The following SVOP variants were observed in gnomAD, a reference collection of about 807,000 sequenced individuals.
SVOP encodes the protein synaptic vesicle 2-related protein.
Under a neutral mutation model 69.1 loss-of-function variants are expected in SVOP, and 17 were observed. The observed-to-expected ratio is 0.25, with a 90% CI of 0.17 to 0.37. SVOP has a LOEUF of 0.37. Ranked by LOEUF, SVOP falls within the 10% of genes least tolerant of loss-of-function variation. The pLI is 1.00. For missense variants in SVOP, 435 were observed against 597.5 expected (o/e 0.73, Z 2.84); for synonymous variants, 238 against 238.6 (o/e 1.00, Z 0.02).
In SVOP at chr12:108,909,647, A is replaced by G. The variant is rs1355104168; in HGVS notation, c.*2888T>C. On this transcript the variant is annotated 3_prime_UTR_variant, in exon 16 of 16. Coordinates refer to ENST00000610966, the MANE Select transcript of SVOP (RefSeq NM_018711.5). ...GATACTGTTTCATCCCATTGTGAACACCACCAAGGTCAGTTATATGTTTTT... is the reference window on the plus strand; with the variant it reads ...GATACTGTTTCATCCCATTGTGAACGCCACCAAGGTCAGTTATATGTTTTT... 6.6e-6 allele frequency: 1 copy of G among 152,220 alleles called. No individual in the cohort carries two copies. The highest frequency in any genetic ancestry group is 1.5e-5 in the Non-Finnish European group (1 of 68,042). The allele number at this position is 152,220 out of a possible 1,614,324, so 9.4% of individuals were successfully genotyped here.
intron 6 of SVOP, among the ~76,000 whole-genome samples, chr12:108,951,520 A>G (rs1194155666): frequency 6.6e-6 from 1 of 152,220 alleles, no homozygotes; most frequent in East Asian, 1.9e-4. Context: ...CTTGAATTAA[A>G]GTCTATTCCT....
At chr12:108,978,126 G>C (rs1344801383) in intron 3 of SVOP, among the ~76,000 whole-genome samples, 3 of 152,164 alleles carry the variant, frequency 2.0e-5, no homozygotes, top group African/African-American at 7.2e-5. Context: ...AAAATATGTA[G>C]TTAGATCACC....
intron 1 of SVOP, among the ~76,000 whole-genome samples, chr12:109,010,779 G>T (rs962683783): frequency 6.6e-6 from 1 of 152,166 alleles, no homozygotes; most frequent in African/African-American, 2.4e-5. Flanking sequence ...TGGGATTATA[G>T]ACAACGGCCA....
rs148833243 is a variant in SVOP, at chr12:108,934,152, G to C, written c.1048+43C>G. On this transcript the variant is annotated intron_variant, in intron 11 of 15. Coordinates refer to ENST00000610966, the MANE Select transcript of SVOP (RefSeq NM_018711.5). ...TGTGCATGACTGTGTATGTGCCGAG[G>C]GTGTGGGAGTAGTTAGCTGGCAAAG... 1.3e-5 allele frequency: 20 copies of C among 1,531,478 alleles called. No individual in the cohort carries two copies. In the African/African-American group the frequency reaches 2.5e-4, roughly 19 times the overall value. The allele number at this position is 1,531,478 out of a possible 1,614,324, so 94.9% of individuals were successfully genotyped here.
chr12:108,909,399 C>T lies in SVOP; in HGVS notation c.*3136G>A, dbSNP rs2039666457. 6.6e-6 allele frequency: 1 copy of T among 151,628 alleles called. No homozygotes were observed. Among genetic ancestry groups the T allele is most frequent in the African/African-American group, 2.4e-5 (1 of 41,150 alleles). 9.4% of individuals were successfully genotyped at this position (151,628 alleles called of 1,614,324 possible). A position where few individuals can be genotyped will look rare whatever the true frequency, so the allele number is the denominator to read the frequency against. On this transcript the variant is annotated 3_prime_UTR_variant, in exon 16 of 16. Transcript: ENST00000610966. ...AGCATCAAGGCGGGCACCTGTAATC[C>T]CAGCTACTCAGGAGGCTGAGGAGGG...
rs555394838 is a variant in SVOP, at chr12:108,993,370, T to C, written c.36-9609A>G. On this transcript the variant is annotated intron_variant, in intron 1 of 15. Transcript: ENST00000610966. ...ATGGTAAAGTCTACGTTATGTGTAT[T>C]TTGCCTTCAAAAAAAAAAAAAAAGA... Among the ~76,000 whole-genome samples the C allele has an allele frequency of 4.6e-5, 4 of 86,674 alleles. No homozygotes were observed. The East Asian group carries it at 1.4e-3, about 31-fold the overall frequency. The allele number at this position is 86,674 out of a possible 152,430, so 56.9% of individuals were successfully genotyped here.
intron 1 of SVOP, among the ~76,000 whole-genome samples, chr12:108,996,539 A>G (rs2040233320): frequency 1.3e-5 from 2 of 152,124 alleles, no homozygotes; most frequent in Non-Finnish European, 1.5e-5. Flanking sequence ...TGGGCAACAG[A>G]GCAAGACTCC....
chr12:108,969,239 T>TC (rs1411865394), intron 5 of SVOP, among the ~76,000 whole-genome samples: 23 of 151,602 alleles, frequency 1.5e-4, no homozygotes, highest in African/African-American at 4.8e-4. Flanking sequence ...CTTCCTTCCC[T>TC]CCTCCTTCCC....
intron 1 of SVOP, among the ~76,000 whole-genome samples, chr12:109,017,781 T>A (rs1441341417): frequency 6.6e-6 from 1 of 152,104 alleles, no homozygotes; most frequent in Non-Finnish European, 1.5e-5. Context: ...TGACCTCAAA[T>A]GATCCACCCA....
intron 11 of SVOP, among the ~76,000 whole-genome samples, chr12:108,928,198 G>T (rs760326882): frequency 6.6e-6 from 1 of 151,900 alleles, no homozygotes; most frequent in Non-Finnish European, 1.5e-5. Flanking sequence ...GCCACCATGC[G>T]CAGCCAACCC....
rs772798020 is a variant in SVOP, at chr12:108,910,696, A to G, written c.*1839T>C. ...CCCATCATGACCTGCACACCATTAG[A>G]AGAAAGTGTTGTCTCCAACAAGCTC... On this transcript the variant is annotated 3_prime_UTR_variant, in exon 16 of 16. Transcript: ENST00000610966. 6.6e-6 allele frequency: 1 copy of G among 152,206 alleles called. No homozygotes were observed. Among genetic ancestry groups the G allele is most frequent in the Non-Finnish European group, 1.5e-5 (1 of 68,050 alleles). The allele number at this position is 152,206 out of a possible 1,614,324, so 9.4% of individuals were successfully genotyped here.
chr12:108,995,003 G>A (rs916161367), intron 1 of SVOP, among the ~76,000 whole-genome samples: 1 of 151,862 alleles, frequency 6.6e-6, no homozygotes, highest in African/African-American at 2.4e-5. Context: ...AAATTAGCTG[G>A]GCATGGTGGT....
intron 1 of SVOP, among the ~76,000 whole-genome samples, chr12:109,010,238 A>C (rs1018465446): frequency 6.6e-6 from 1 of 152,152 alleles, no homozygotes; most frequent in Non-Finnish European, 1.5e-5. Context: ...AGAGCTGAGA[A>C]TCAGTCTTGT....
At position 108,912,737 on chromosome 12, in the gene SVOP, A is replaced by G; in HGVS notation, c.1445T>C (p.Met482Thr). Residue 482 changes from methionine to threonine, a missense_variant, in exon 16 of 16, where the codon ATG becomes ACG. Coordinates refer to ENST00000610966, the MANE Select transcript of SVOP (RefSeq NM_018711.5). ...ALITPFIAQVMLESSVYLTLA... is the reference protein window; with the variant it reads ...ALITPFIAQVTLESSVYLTLA... ...AGTCAGGTACACAGAGGATTCCAGC[A>G]TCACCTAGGGGAAGGAGACACGGGT... 2 of 1,613,646 alleles carry G rather than the reference A, an allele frequency of 1.2e-6. No individual in the cohort carries two copies. The highest frequency in any genetic ancestry group is 1.7e-6 in the Non-Finnish European group (2 of 1,179,738).
At position 108,961,825 on chromosome 12, in the gene SVOP, G is replaced by A. The variant is rs185079092; in HGVS notation, c.454-778C>T. ...AAATAAATTTTATTTTATTAATGACGTTTTAAATTTCTCCCTCCTAGTTAG... is the reference window on the plus strand; with the variant it reads ...AAATAAATTTTATTTTATTAATGACATTTTAAATTTCTCCCTCCTAGTTAG... On this transcript the variant is annotated intron_variant, in intron 5 of 15. Transcript: ENST00000610966. 7.9e-4 allele frequency among the ~76,000 whole-genome samples: 120 copies of A among 152,186 alleles called. 1 individual carries two copies. Among genetic ancestry groups the A allele is most frequent in the African/African-American group, 2.7e-3 (113 of 41,526 alleles).
At chr12:108,975,843 A>G (rs143935591) in intron 4 of SVOP, among the ~76,000 whole-genome samples, 101,710 of 151,784 alleles carry the variant, frequency 0.67, 34,582 homozygotes, top group East Asian at 0.79. Context: ...CTAGGATTAC[A>G]GGACGCGCCA....
Position 108,909,060 on chromosome 12 carries a change from G to C in SVOP, c.*3475C>G, listed in dbSNP as rs1205766672. 2 of 152,156 alleles carry C rather than the reference G, an allele frequency of 1.3e-5. No individual in the cohort carries two copies. The highest frequency in any genetic ancestry group is 2.9e-5 in the Non-Finnish European group (2 of 68,040). 9.4% of individuals were successfully genotyped at this position (152,156 alleles called of 1,614,324 possible). A position where few individuals can be genotyped will look rare whatever the true frequency, so the allele number is the denominator to read the frequency against. On this transcript the variant is annotated 3_prime_UTR_variant, in exon 16 of 16. Coordinates refer to ENST00000610966, the MANE Select transcript of SVOP (RefSeq NM_018711.5). ...AAAGAAATATGATGTCCAGCACAGG[G>C]GCAGCCATTTTGTGACCATGAGGTT...
chr12:109,015,031 T>G (rs1371235415), intron 1 of SVOP, among the ~76,000 whole-genome samples: 1 of 152,154 alleles, frequency 6.6e-6, no homozygotes, highest in Non-Finnish European at 1.5e-5. Context: ...AGCTCAGGTA[T>G]TTTTTATTTT....
chr12:108,983,764 A>G lies in SVOP; in HGVS notation c.36-3T>C. The G allele has an allele frequency of 2.5e-6, 1 of 398,844 alleles. No homozygotes were observed. Among genetic ancestry groups the G allele is most frequent in the Non-Finnish European group, 4.4e-6 (1 of 226,214 alleles). The allele number at this position is 398,844 out of a possible 1,614,324, so 24.7% of individuals were successfully genotyped here. ...CTGTGCGACGGAATTTCACAACCCT[A>G]GAGAACAGAACAAATCTGGTCAAGA... On this transcript the variant is annotated splice_region_variant and splice_polypyrimidine_tract_variant and intron_variant, in intron 1 of 15. Transcript: ENST00000610966.
Sources: allele counts gnomAD v4.1 joint callset (sites outside exome capture counted in the v4.1 genomes callset), GRCh38; gene constraint gnomAD v4.1.1; transcripts MANE v1.5; gene names NCBI Gene and HGNC (gene_info 2026-07-23, HGNC 2026-07-21).